PAMR1: variants seen among roughly 807,000 people sequenced by gnomAD.
The protein encoded by PAMR1 is inactive serine protease PAMR1.
In PAMR1, 88 loss-of-function variants were observed where a neutral mutation model predicts 81.8. The ratio of observed to expected loss-of-function variants is 1.08; its 90% confidence interval spans 0.91 to 1.28. PAMR1 has a LOEUF of 1.28. PAMR1 is among the 50% of genes most tolerant of loss of function. PAMR1 has a pLI of 0.00. For missense variants in PAMR1, 935 were observed against 919.7 expected (o/e 1.02, Z -0.21); for synonymous variants, 336 against 345.3 (o/e 0.97, Z 0.30).
intron 1 of PAMR1, among the ~76,000 whole-genome samples, chr11:35,511,862 A>C (rs972370728): frequency 1.3e-5 from 2 of 152,142 alleles, no homozygotes; most frequent in African/African-American, 4.8e-5. Flanking sequence ...GACAAGGCCA[A>C]GCAGGAATGA....
chr11:35,460,311 T>C (rs1269022507), intron 6 of PAMR1, among the ~76,000 whole-genome samples: 1 of 151,194 alleles, frequency 6.6e-6, no homozygotes, highest in African/African-American at 2.4e-5. Flanking sequence ...TCCTCCTCTT[T>C]CTTTTTTTTT....
intron 3 of PAMR1, among the ~76,000 whole-genome samples, chr11:35,483,930 T>C (rs989344207): frequency 6.6e-6 from 1 of 152,206 alleles, no homozygotes; most frequent in East Asian, 1.9e-4. Context: ...GAAGACTACC[T>C]CCTTGTGCCC....
upstream of PAMR1, among the ~76,000 whole-genome samples, chr11:35,528,676 A>G (rs1258532838): frequency 1.3e-5 from 2 of 152,122 alleles, no homozygotes; most frequent in African/African-American, 2.4e-5. Context: ...TAGGGAAGAA[A>G]GATTATTTTT....
At chr11:35,458,948 T>A (rs897207189) in intron 6 of PAMR1, among the ~76,000 whole-genome samples, 2 of 152,224 alleles carry the variant, frequency 1.3e-5, no homozygotes, top group Non-Finnish European at 2.9e-5. Flanking sequence ...CAACCAGGAA[T>A]AATGACACCA....
chr11:35,455,835 T>C (rs542111143), intron 6 of PAMR1, among the ~76,000 whole-genome samples: 14 of 152,138 alleles, frequency 9.2e-5, no homozygotes, highest in Middle Eastern at 6.8e-3. Context: ...AGATGCCAGT[T>C]CAAGATATTC....
chr11:35,452,897 T>G (rs1456105053), intron 6 of PAMR1, among the ~76,000 whole-genome samples: 1 of 152,214 alleles, frequency 6.6e-6, no homozygotes, highest in Non-Finnish European at 1.5e-5. Context: ...TTCACTAGAC[T>G]CTAATGGAAA....
At chr11:35,487,836 C>A (rs1040814204) in intron 3 of PAMR1, among the ~76,000 whole-genome samples, 1 of 152,214 alleles carries the variant, frequency 6.6e-6, no homozygotes, top group African/African-American at 2.4e-5. Context: ...TACTTCACAG[C>A]TCTGAGCCTC....
intron 6 of PAMR1, among the ~76,000 whole-genome samples, chr11:35,465,031 G>C (rs1254738109): frequency 6.6e-6 from 1 of 152,172 alleles, no homozygotes; most frequent in Admixed American, 6.5e-5. Flanking sequence ...GAAGCATCTG[G>C]AGTCTCACCA....
chr11:35,526,201 T>G (rs764283882), upstream of PAMR1, among the ~76,000 whole-genome samples: 25 of 152,192 alleles, frequency 1.6e-4, no homozygotes, highest in Non-Finnish European at 2.8e-4. Context: ...CTTATTATCT[T>G]TTGCAACTAC....
At chr11:35,480,084 G>A (rs920990319) in intron 3 of PAMR1, among the ~76,000 whole-genome samples, 1 of 152,164 alleles carries the variant, frequency 6.6e-6, no homozygotes, top group Non-Finnish European at 1.5e-5. Context: ...AGTTCCACGA[G>A]AGCAGGAATA....
intron 1 of PAMR1, among the ~76,000 whole-genome samples, chr11:35,519,908 T>C (rs1236437928): frequency 6.6e-6 from 1 of 152,162 alleles, no homozygotes; most frequent in Admixed American, 6.5e-5. Context: ...CAGACTGGAT[T>C]CAAAAACATG....
intron 1 of PAMR1, among the ~76,000 whole-genome samples, chr11:35,518,350 C>T (rs938536373): frequency 3.3e-5 from 5 of 151,912 alleles, no homozygotes; most frequent in African/African-American, 1.2e-4. Context: ...TTCTCGTTAA[C>T]TTCTAAGGAG....
intron 10 of PAMR1, 100 bp downstream of exon 10, chr11:35,434,412 G>T: frequency 8.4e-7 from 1 of 1,186,786 alleles, no homozygotes; most frequent in Non-Finnish European, 1.2e-6. Context: ...GCTGGCTGCT[G>T]ACATGCTAAG....
At chr11:35,437,984 A>G (rs1856087541) in intron 8 of PAMR1, among the ~76,000 whole-genome samples, 1 of 152,256 alleles carries the variant, frequency 6.6e-6, no homozygotes, top group Non-Finnish European at 1.5e-5. Context: ...ATTCTGACTT[A>G]TGAATATTCC....
In PAMR1 at chr11:35,432,807, C is replaced by A. The variant is rs752627585; in HGVS notation, c.1712G>T (p.Arg571Leu). The A allele has an allele frequency of 6.2e-7, 1 of 1,607,752 alleles. No individual in the cohort carries two copies. The highest frequency in any genetic ancestry group is 8.5e-7 in the Non-Finnish European group (1 of 1,179,980). Reference sequence around the variant, plus strand: ...GATGGGCTGGACTCGGGTGCTGATACGGGCCTTGTCTAGGAGCTTCAGGAT... The same window carrying A: ...GATGGGCTGGACTCGGGTGCTGATAAGGGCCTTGTCTAGGAGCTTCAGGAT... ...IAILKLLDKA[R>L]ISTRVQPICL... The change falls in exon 11 of 11, where the codon CGT becomes CTT. Residue 571 changes from arginine (R) to leucine (L), a missense_variant. Physicochemically the swap from Arg to Leu is moderately radical, Grantham distance 102. Transcript: ENST00000619888.
chr11:35,446,227 C>T (rs887458634), intron 6 of PAMR1, among the ~76,000 whole-genome samples: 1 of 152,028 alleles, frequency 6.6e-6, no homozygotes, highest in South Asian at 2.1e-4. Flanking sequence ...ATTAGTCTCT[C>T]TTTTCTTCTT....
chr11:35,487,657 G>GC (rs1366230762), intron 3 of PAMR1, among the ~76,000 whole-genome samples: 1 of 152,154 alleles, frequency 6.6e-6, no homozygotes, highest in East Asian at 1.9e-4. Flanking sequence ...GTACTTTCAA[G>GC]CCCCAACCTC....
chr11:35,435,622 C>A (rs1856024065), intron 9 of PAMR1, among the ~76,000 whole-genome samples: 2 of 152,174 alleles, frequency 1.3e-5, no homozygotes, highest in Admixed American at 6.5e-5. Context: ...CCTCTGGCAC[C>A]TTTAACCCCT....
intron 1 of PAMR1, among the ~76,000 whole-genome samples, chr11:35,518,270 G>C (rs947170781): frequency 3.3e-5 from 5 of 151,866 alleles, no homozygotes; most frequent in African/African-American, 1.2e-4. Flanking sequence ...AAAATTATAG[G>C]AGTAGATGAT....
Sources: allele counts gnomAD v4.1 joint callset (sites outside exome capture counted in the v4.1 genomes callset), GRCh38; gene constraint gnomAD v4.1.1; transcripts MANE v1.5; gene names NCBI Gene and HGNC (gene_info 2026-07-23, HGNC 2026-07-21).